The following PPP6R2 variants were observed in gnomAD, a reference collection of about 807,000 sequenced individuals.
PPP6R2 encodes the protein protein phosphatase 6 regulatory subunit 2, also known as serine/threonine-protein phosphatase 6 regulatory subunit 2.
A neutral mutation model predicts 100.2 loss-of-function variants in PPP6R2; 62 were observed. The ratio of observed to expected loss-of-function variants is 0.62; its 90% confidence interval spans 0.50 to 0.76. PPP6R2 has a LOEUF of 0.76. Among genes scored for constraint, PPP6R2 ranks in the 30% least tolerant of loss-of-function variants. The pLI is 0.00. For missense variants in PPP6R2, 1,142 were observed against 1,276.3 expected, an observed-to-expected ratio of 0.89 and a Z score of 1.60; for synonymous variants, 525 against 514.7, an observed-to-expected ratio of 1.02 and a Z score of -0.27.
At position 50,437,831 on chromosome 22, in the gene PPP6R2, T is replaced by C. The variant is rs1223257822; in HGVS notation, c.1782-12T>C. On this transcript the variant is annotated splice_polypyrimidine_tract_variant and intron_variant, in intron 16 of 23. Coordinates refer to ENST00000612753, the MANE Select transcript of PPP6R2 (RefSeq NM_001242898.2). ...TGGAGGAACGCTGAAGCCATCCCCC[T>C]TGCTCTTGCAGTGCCCCGTTTGACA... 6.4e-7 allele frequency: 1 copy of C among 1,552,268 alleles called. No homozygotes were observed. The highest frequency in any genetic ancestry group is 2.4e-5 in the East Asian group (1 of 40,960).
Position 50,432,288 on chromosome 22 carries a change from G to A in PPP6R2, c.1359G>A (p.Val453=), listed in dbSNP as rs1360891134. The change falls in exon 12 of 24, where the codon GTG becomes GTA. Residue 453 remains valine, a synonymous_variant. Coordinates refer to ENST00000612753, the MANE Select transcript of PPP6R2 (RefSeq NM_001242898.2). ...AGCTGTTCCAGAAGTGCTGCCTGGT[G>A]CAGAGGATCCTGGAGGCCTGGGAAG... ...VTHLFQKCCL[V]QRILEAWEAN... 1 of 1,549,976 alleles carries A rather than the reference G, an allele frequency of 6.5e-7. No individual in the cohort carries two copies. Among genetic ancestry groups the A allele is most frequent in the Non-Finnish European group, 8.7e-7 (1 of 1,147,188 alleles).
intron 17 of PPP6R2, 130 bp from the exon 18 acceptor site, chr22:50,438,044 C>T (rs2064772071): frequency 6.7e-7 from 1 of 1,485,958 alleles, no homozygotes; most frequent in Non-Finnish European, 9.1e-7. Context: ...TTTCCTTGCC[C>T]CTCCCCGTCC....
At chr22:50,335,724 T>G in the PPP6R2 span, among the ~76,000 whole-genome samples, 1,478 of 134,152 alleles carry the variant, frequency 0.011, 232 homozygotes, top group African/African-American at 0.044. Context: ...CACCCAGGCT[T>G]GAGAGCAGTG....
intron 12 of PPP6R2, among the ~76,000 whole-genome samples, chr22:50,433,357 C>T (rs2063541616): frequency 1.2e-5 from 1 of 85,052 alleles, no homozygotes; most frequent in African/African-American, 4.2e-5. Context: ...GGGCTGGGGG[C>T]GCGGACGCTG....
upstream of PPP6R2, among the ~76,000 whole-genome samples, chr22:50,339,219 GGT>G (rs1424133432): frequency 2.2e-5 from 3 of 138,852 alleles, no homozygotes; most frequent in African/African-American, 8.1e-5. Context: ...GTGTGTGTAG[GGT>G]GTGTGGTGTG....
the PPP6R2 span, among the ~76,000 whole-genome samples, chr22:50,335,074 C>A: frequency 2.0e-5 from 3 of 152,006 alleles, no homozygotes; most frequent in African/African-American, 7.2e-5. Flanking sequence ...ATTTTTGAGA[C>A]AGGGTCTCGC....
At chr22:50,382,057 C>G (rs991297422) in intron 2 of PPP6R2, among the ~76,000 whole-genome samples, 1 of 151,926 alleles carries the variant, frequency 6.6e-6, no homozygotes. Flanking sequence ...ATATTGAAAA[C>G]TTAACCTGTG....
intron 22 of PPP6R2, 141 bp from the exon 23 acceptor site, chr22:50,443,725 C>T (rs1044315709): frequency 4.0e-6 from 5 of 1,243,550 alleles, no homozygotes; most frequent in Non-Finnish European, 5.4e-6. Context: ...TGGGCCACCC[C>T]ACAAAGGGCA....
intron 1 of PPP6R2, among the ~76,000 whole-genome samples, chr22:50,356,160 T>G (rs2046522550): frequency 6.6e-6 from 1 of 150,870 alleles, no homozygotes; most frequent in East Asian, 2.0e-4. Flanking sequence ...GAGACGGGGT[T>G]TCACCGTGTT....
chr22:50,409,370 CTTTA>C (rs2059423024), intron 4 of PPP6R2, among the ~76,000 whole-genome samples: 1 of 152,164 alleles, frequency 6.6e-6, no homozygotes, highest in South Asian at 2.1e-4. Flanking sequence ...TTCTATATCT[CTTTA>C]TTTGTTTTTC....
Position 50,437,597 on chromosome 22 carries a change from A to G in PPP6R2, c.1775A>G (p.Asn592Ser). Residue 592 changes from asparagine to serine, a missense_variant, in exon 16 of 24, where the codon AAC becomes AGC. Physicochemically the swap from Asn to Ser is conservative, Grantham distance 46. Coordinates refer to ENST00000612753, the MANE Select transcript of PPP6R2 (RefSeq NM_001242898.2). ...NDEEFADQDD[N>S]INAPFDRIAE... ...GAGGAGTTTGCCGACCAGGACGACA[A>G]CATCAAGTGAGTCTACTTGGAGCGC... is the stretch of plus-strand genomic sequence containing the variant. The G allele has an allele frequency of 6.2e-7, 1 of 1,606,940 alleles. No homozygotes were observed. The highest frequency in any genetic ancestry group is 1.7e-4 in the Middle Eastern group (1 of 6,044).
At chr22:50,365,810 A>T (rs190103461) in intron 1 of PPP6R2, among the ~76,000 whole-genome samples, 4 of 151,400 alleles carry the variant, frequency 2.6e-5, no homozygotes, top group African/African-American at 9.7e-5. Context: ...GCTCACTGCA[A>T]CCTCAAACTC....
upstream of PPP6R2, among the ~76,000 whole-genome samples, chr22:50,339,444 GTT>G (rs1249166458): frequency 1.5e-5 from 2 of 137,078 alleles, no homozygotes; most frequent in South Asian, 2.5e-4. Context: ...TACGGTGTGT[GTT>G]GTGTGTGGTG....
intron 6 of PPP6R2, among the ~76,000 whole-genome samples, 180 bp downstream of exon 6, chr22:50,416,337 T>C (rs138777164): frequency 3.1e-4 from 47 of 152,098 alleles, no homozygotes; most frequent in African/African-American, 1.0e-3. Context: ...TTTTTTTCTT[T>C]TTTTTTTTGA....
At chr22:50,341,867 C>G (rs897997687), upstream of PPP6R2, among the ~76,000 whole-genome samples, 1 of 152,166 alleles carries the variant, frequency 6.6e-6, no homozygotes, top group African/African-American at 2.4e-5. Flanking sequence ...GTGGCGGGCG[C>G]CTGTAGTCCC....
At chr22:50,437,379 C>A in intron 15 of PPP6R2, 127 bp from the exon 16 acceptor site, 1 of 706,062 alleles carries the variant, frequency 1.4e-6, no homozygotes, top group Non-Finnish European at 2.5e-6. Flanking sequence ...GTTTACTGCC[C>A]ACTTGTGCTG....
At chr22:50,393,764 C>T in intron 2 of PPP6R2, 129 bp from the exon 3 acceptor site, 1 of 1,497,916 alleles carries the variant, frequency 6.7e-7, no homozygotes, top group Non-Finnish European at 8.9e-7. Context: ...ACTTCCAGGA[C>T]TTGGGTCTAG....
chr22:50,333,266 C>T, the PPP6R2 span, among the ~76,000 whole-genome samples: 1 of 151,452 alleles, frequency 6.6e-6, no homozygotes, highest in Non-Finnish European at 1.5e-5. Context: ...TAATTCTGTC[C>T]TGTCTTCATT....
chr22:50,397,096 G>A (rs1356525043), intron 3 of PPP6R2, among the ~76,000 whole-genome samples: 2 of 152,164 alleles, frequency 1.3e-5, no homozygotes, highest in East Asian at 1.9e-4. Flanking sequence ...GAGTTTGGGA[G>A]AAATCAGTAG....
Sources: gnomAD v4.1 joint callset for allele counts (sites outside exome capture counted in the v4.1 genomes callset) on GRCh38, gnomAD v4.1.1 for gene constraint, MANE v1.5 for transcripts, NCBI Gene and HGNC (gene_info 2026-07-23, HGNC 2026-07-21) for gene names.